Variants in FGF14 observed in about 807,000 individuals in gnomAD.
FGF14 encodes fibroblast growth factor 14, also known as fibroblast growth factor homologous factor 4.
A neutral mutation model predicts 25.5 loss-of-function variants in FGF14; 5 were observed. That is an observed-to-expected ratio of 0.20 (90% CI 0.10 to 0.41). FGF14 has a LOEUF of 0.41. Ranked by LOEUF, FGF14 falls within the 10% of genes least tolerant of loss-of-function variation. FGF14 has a pLI of 1.00. For synonymous variants in FGF14, 138 were observed against 118.3 expected, an observed-to-expected ratio of 1.17 and a Z score of -1.08; for missense variants, 222 against 320.1, an observed-to-expected ratio of 0.69 and a Z score of 2.34.
At chr13:101,748,002 T>A (rs2036999243) in intron 3 of FGF14, among the ~76,000 whole-genome samples, 1 of 152,006 alleles carries the variant, frequency 6.6e-6, no homozygotes, top group Non-Finnish European at 1.5e-5. Flanking sequence ...AAGAAAAGGC[T>A]TACACATTGT....
At chr13:101,957,939 G>A (rs139521036) in intron 1 of FGF14, among the ~76,000 whole-genome samples, 2 of 152,164 alleles carry the variant, frequency 1.3e-5, no homozygotes, top group East Asian at 3.9e-4. Flanking sequence ...AGGGCCAAAT[G>A]GGTCCAAAAT....
At chr13:101,968,321 A>G (rs2037349576) in intron 1 of FGF14, among the ~76,000 whole-genome samples, 1 of 152,192 alleles carries the variant, frequency 6.6e-6, no homozygotes, top group Non-Finnish European at 1.5e-5. Context: ...CAGTAACAAA[A>G]TATTTTACCT....
chr13:102,277,377 T>C (rs1229884685), intron 1 of FGF14, among the ~76,000 whole-genome samples: 1 of 152,222 alleles, frequency 6.6e-6, no homozygotes, highest in Non-Finnish European at 1.5e-5. Flanking sequence ...CTCTCAGCTA[T>C]CTCTGGGAAG....
chr13:101,863,143 T>C (rs1217549720), intron 3 of FGF14, among the ~76,000 whole-genome samples: 1 of 152,118 alleles, frequency 6.6e-6, no homozygotes, highest in Non-Finnish European at 1.5e-5. Flanking sequence ...ATTGGAGACA[T>C]TAATAATCAT....
At chr13:102,383,393 G>T (rs2058231126) in intron 1 of FGF14, among the ~76,000 whole-genome samples, 1 of 152,152 alleles carries the variant, frequency 6.6e-6, no homozygotes, top group African/African-American at 2.4e-5. Context: ...TTGTCAATCA[G>T]CTTTGTTGGA....
intron 1 of FGF14, among the ~76,000 whole-genome samples, chr13:102,092,571 A>G (rs1374660910): frequency 6.6e-6 from 1 of 152,174 alleles, no homozygotes; most frequent in Admixed American, 6.6e-5. Context: ...AGTTATAATG[A>G]AGATAGTTTT....
intron 3 of FGF14, among the ~76,000 whole-genome samples, chr13:101,736,603 C>T (rs2036205411): frequency 6.6e-6 from 1 of 152,086 alleles, no homozygotes. Flanking sequence ...ATGGCCACTG[C>T]TCTATTATAC....
In FGF14 at chr13:101,715,997, G is replaced by A. The variant is rs2034704478; in HGVS notation, c.*6834C>T. 3.9e-6 allele frequency: 1 copy of A among 257,684 alleles called. No individual in the cohort carries two copies. The allele number at this position is 257,684 out of a possible 1,614,324, so 16.0% of individuals were successfully genotyped here. A position where few individuals can be genotyped will look rare whatever the true frequency, so the allele number is the denominator to read the frequency against. On this transcript the variant is annotated 3_prime_UTR_variant, in exon 5 of 5. Coordinates refer to ENST00000376143, the MANE Select transcript of FGF14 (RefSeq NM_004115.4). ...ATGCTGCAGACATTTGGTGGGTAGA[G>A]GCCAGGGATGCTGCTGAGCATCCCG...
At chr13:101,896,217 A>T (rs2030642678) in intron 1 of FGF14, among the ~76,000 whole-genome samples, 1 of 152,122 alleles carries the variant, frequency 6.6e-6, no homozygotes, top group African/African-American at 2.4e-5. Flanking sequence ...TGTTCATATC[A>T]TCAAGTCAGT....
At chr13:101,759,085 C>T (rs546799423) in intron 3 of FGF14, among the ~76,000 whole-genome samples, 1 of 152,324 alleles carries the variant, frequency 6.6e-6, no homozygotes, top group East Asian at 1.9e-4. Context: ...TACTACTGCA[C>T]AGAGTTATCG....
rs2033540633 is a variant in FGF14, at chr13:101,916,689, C to T, written c.-44G>A. On this transcript the variant is annotated 5_prime_UTR_variant, in exon 1 of 5. Transcript: ENST00000376143. ...TCCGGGGAGGGAGGGCGCGGGAGGA[C>T]GGCGAGCCGGGGGCACCGGAGGGGA... The T allele has an allele frequency of 6.9e-7, 1 of 1,448,428 alleles. No homozygotes were observed. Among genetic ancestry groups the T allele is most frequent in the Non-Finnish European group, 9.1e-7 (1 of 1,097,286 alleles). 89.7% of individuals were successfully genotyped at this position (1,448,428 alleles called of 1,614,324 possible).
At chr13:101,985,069 GTTTT>G (rs1226090096) in intron 1 of FGF14, among the ~76,000 whole-genome samples, 4 of 118,206 alleles carry the variant, frequency 3.4e-5, no homozygotes, top group African/African-American at 7.8e-5. Flanking sequence ...GAATTCAAGG[GTTTT>G]TTTTTTGTTT....
intron 1 of FGF14, among the ~76,000 whole-genome samples, chr13:101,990,231 C>T (rs533808390): frequency 1.3e-5 from 2 of 152,204 alleles, no homozygotes; most frequent in African/African-American, 4.8e-5. Flanking sequence ...CATGGTTCAT[C>T]AGTTACTGAC....
At chr13:101,776,943 C>G (rs1461972793) in intron 3 of FGF14, among the ~76,000 whole-genome samples, 1 of 152,180 alleles carries the variant, frequency 6.6e-6, no homozygotes. Flanking sequence ...CAAGGGTTGT[C>G]TCTCAGGCCT....
At chr13:102,336,357 T>TAAGCCA (rs1291371615) in intron 1 of FGF14, among the ~76,000 whole-genome samples, 1 of 152,210 alleles carries the variant, frequency 6.6e-6, no homozygotes, top group Non-Finnish European at 1.5e-5. Context: ...AACATTCCCG[T>TAAGCCA]AAGCCAAAGC....
chr13:101,867,120 T>A (rs1219024067), intron 3 of FGF14, among the ~76,000 whole-genome samples: 1 of 152,140 alleles, frequency 6.6e-6, no homozygotes, highest in Admixed American at 6.6e-5. Context: ...CCTCATGAGA[T>A]CTGATTTCTG....
At chr13:101,951,761 C>A (rs578175151) in intron 1 of FGF14, among the ~76,000 whole-genome samples, 1 of 152,246 alleles carries the variant, frequency 6.6e-6, no homozygotes, top group South Asian at 2.1e-4. Context: ...AATTATGTGG[C>A]CATGTCCTCA....
intron 3 of FGF14, among the ~76,000 whole-genome samples, chr13:101,729,756 C>CAAAT (rs1555371289): frequency 6.6e-6 from 1 of 151,490 alleles, no homozygotes; most frequent in Non-Finnish European, 1.5e-5. Context: ...GAAAATCTCA[C>CAAAT]CAAAAGTCAG....
rs570076866 is a variant in FGF14, at chr13:101,813,087, T to G, written c.408+55638A>C. Reference sequence around the variant, plus strand: ...CAGACTGCCAAAGAGGTGAAGTTCATGGCAAAACCATTCCTTGTGTACAGG... The same window carrying G: ...CAGACTGCCAAAGAGGTGAAGTTCAGGGCAAAACCATTCCTTGTGTACAGG... On this transcript the variant is annotated intron_variant, in intron 3 of 4. Transcript: ENST00000376143. 2.6e-5 allele frequency among the ~76,000 whole-genome samples: 4 copies of G among 152,320 alleles called. No individual in the cohort carries two copies. In the South Asian group the frequency reaches 8.3e-4, roughly 32 times the overall value.
Sources: allele counts gnomAD v4.1 joint callset (sites outside exome capture counted in the v4.1 genomes callset), GRCh38; gene constraint gnomAD v4.1.1; transcripts MANE v1.5; gene names NCBI Gene and HGNC (gene_info 2026-07-23, HGNC 2026-07-21).